The following AMN1 variants were observed in gnomAD, a reference collection of about 807,000 sequenced individuals.
AMN1 encodes protein AMN1 homolog.
Under a neutral mutation model 33.0 loss-of-function variants are expected in AMN1, and 20 were observed. The ratio of observed to expected loss-of-function variants is 0.61; its 90% CI spans 0.43 to 0.88. The LOEUF is 0.88. Ranked by LOEUF, AMN1 falls within the 40% of genes least tolerant of loss-of-function variation. The pLI is 0.00. For missense variants in AMN1, 246 were observed against 307.4 expected (o/e 0.80, Z 1.49); for synonymous variants, 114 against 111.9 (o/e 1.02, Z -0.12).
intron 1 of AMN1, among the ~76,000 whole-genome samples, chr12:31,727,558 ACT>A (rs1312119962): frequency 6.6e-6 from 1 of 151,450 alleles, no homozygotes; most frequent in African/African-American, 2.4e-5. Context: ...TCAAACCTTT[ACT>A]CTTTTTATTT....
chr12:31,729,085 C>A, upstream of AMN1: 1 of 1,425,156 alleles, frequency 7.0e-7, no homozygotes, highest in South Asian at 1.4e-5. Context: ...CAACTCCCGC[C>A]CACCGCGCGA....
At chr12:31,694,815 T>C (rs942081674) in intron 5 of AMN1, among the ~76,000 whole-genome samples, 2 of 152,016 alleles carry the variant, frequency 1.3e-5, no homozygotes, top group African/African-American at 4.8e-5. Flanking sequence ...TTAAAGTATA[T>C]TCACTCAGGC....
intron 2 of AMN1, among the ~76,000 whole-genome samples, chr12:31,707,859 G>A (rs1245546258): frequency 6.6e-6 from 1 of 152,182 alleles, no homozygotes; most frequent in Non-Finnish European, 1.5e-5. Flanking sequence ...TGGAGCCATG[G>A]CAGAGGAACA....
intron 5 of AMN1, among the ~76,000 whole-genome samples, chr12:31,697,002 A>G (rs1938757692): frequency 6.6e-6 from 1 of 152,144 alleles, no homozygotes; most frequent in Admixed American, 6.6e-5. Context: ...AAGAGAATTA[A>G]TACTCCTGGT....
chr12:31,706,989 TAAG>T (rs1333720053), intron 2 of AMN1, among the ~76,000 whole-genome samples: 3 of 133,718 alleles, frequency 2.2e-5, no homozygotes, highest in African/African-American at 5.4e-5. Context: ...CTAAAAGAAA[TAAG>T]AAAAGATTAA....
chr12:31,707,654 G>A (rs1384749077), intron 2 of AMN1, among the ~76,000 whole-genome samples: 1 of 152,064 alleles, frequency 6.6e-6, no homozygotes, highest in Non-Finnish European at 1.5e-5. Context: ...AAATAGTTAG[G>A]ACATGATTTC....
chr12:31,690,245 A>G (rs1938444001), intron 5 of AMN1, among the ~76,000 whole-genome samples: 1 of 152,124 alleles, frequency 6.6e-6, no homozygotes, highest in African/African-American at 2.4e-5. Flanking sequence ...TTTTTCGTAT[A>G]ATGACTTTTT....
At chr12:31,686,209 A>T (rs1938254245) in intron 6 of AMN1, among the ~76,000 whole-genome samples, 2 of 152,052 alleles carry the variant, frequency 1.3e-5, no homozygotes, top group Admixed American at 1.3e-4. Context: ...ACTTTGGGAG[A>T]CTGAGCCAGG....
intron 5 of AMN1, among the ~76,000 whole-genome samples, chr12:31,689,377 A>G (rs984318393): frequency 6.6e-6 from 1 of 152,232 alleles, no homozygotes; most frequent in Non-Finnish European, 1.5e-5. Context: ...AGCAATTCCA[A>G]TTGTTGATCT....
At chr12:31,700,760 G>A (rs1430223840) in intron 3 of AMN1, among the ~76,000 whole-genome samples, 1 of 151,904 alleles carries the variant, frequency 6.6e-6, no homozygotes, top group East Asian at 1.9e-4. Context: ...CGCAATCTCG[G>A]CTCACTGCAA....
intron 2 of AMN1, among the ~76,000 whole-genome samples, chr12:31,707,460 T>C (rs1389265727): frequency 1.3e-5 from 2 of 152,218 alleles, no homozygotes; most frequent in Admixed American, 1.3e-4. Flanking sequence ...TACTTGCTGA[T>C]GCTGCAGATG....
intron 6 of AMN1, among the ~76,000 whole-genome samples, chr12:31,679,329 C>T (rs1218190849): frequency 6.6e-6 from 1 of 151,970 alleles, no homozygotes; most frequent in Non-Finnish European, 1.5e-5. Flanking sequence ...GAGTTCAAGA[C>T]CAGCCTGGTC....
chr12:31,708,142 G>A (rs934294174), intron 2 of AMN1, among the ~76,000 whole-genome samples: 3 of 152,160 alleles, frequency 2.0e-5, no homozygotes, highest in South Asian at 2.1e-4. Context: ...GACTGCCTGC[G>A]GGGTCAGGCA....
intron 2 of AMN1, among the ~76,000 whole-genome samples, chr12:31,705,508 A>G (rs1020838084): frequency 5.9e-5 from 9 of 151,952 alleles, no homozygotes; most frequent in African/African-American, 1.9e-4. Context: ...AAAACAACAA[A>G]CAAGCAAAAA....
At chr12:31,716,353 G>A (rs1419020994) in intron 1 of AMN1, among the ~76,000 whole-genome samples, 2 of 152,012 alleles carry the variant, frequency 1.3e-5, no homozygotes, top group Non-Finnish European at 2.9e-5. Flanking sequence ...ACGTATCTGT[G>A]TTTCAACTGA....
chr12:31,711,369 T>A (rs191260648), intron 1 of AMN1, among the ~76,000 whole-genome samples: 96 of 152,296 alleles, frequency 6.3e-4, no homozygotes, highest in African/African-American at 2.2e-3. Flanking sequence ...GGACTTGTCA[T>A]AGATTTGTTT....
intron 2 of AMN1, among the ~76,000 whole-genome samples, chr12:31,703,520 G>A (rs1269253615): frequency 6.6e-6 from 1 of 152,018 alleles, no homozygotes; most frequent in Non-Finnish European, 1.5e-5. Flanking sequence ...CCCAGCGATT[G>A]GCTCCCACTT....
At chr12:31,705,740 C>G (rs1471316104) in intron 2 of AMN1, among the ~76,000 whole-genome samples, 1 of 152,176 alleles carries the variant, frequency 6.6e-6, no homozygotes, top group Non-Finnish European at 1.5e-5. Flanking sequence ...AGCTATAGGT[C>G]TGCCTTTCTT....
At chr12:31,703,714 G>A (rs1297667262) in intron 2 of AMN1, among the ~76,000 whole-genome samples, 1 of 152,124 alleles carries the variant, frequency 6.6e-6, no homozygotes, top group Non-Finnish European at 1.5e-5. Context: ...TATAAGATGA[G>A]CACTTTTTAT....
Sources: allele counts gnomAD v4.1 joint callset (sites outside exome capture counted in the v4.1 genomes callset), GRCh38; gene constraint gnomAD v4.1.1; transcripts MANE v1.5; gene names NCBI Gene and HGNC (gene_info 2026-07-23, HGNC 2026-07-21).